The following KAZN variants were observed in gnomAD, a reference collection of about 807,000 sequenced individuals.
The protein encoded by KAZN is kazrin.
KAZN carries 40 observed loss-of-function variants against 87.4 expected under a neutral mutation model. That is an observed-to-expected ratio of 0.46 (90% CI 0.36 to 0.60). KAZN has a LOEUF of 0.60. Among genes scored for constraint, KAZN ranks in the 20% least tolerant of loss-of-function variants. The pLI, the probability that KAZN is intolerant of heterozygous loss-of-function variation, is 0.00. For missense variants in KAZN, 898 were observed against 1,073.9 expected (o/e 0.84, Z 2.29); for synonymous variants, 466 against 458.3 (o/e 1.02, Z -0.22).
At chr1:14,540,302 A>C (rs1672733717) in intron 2 of KAZN, among the ~76,000 whole-genome samples, 1 of 152,152 alleles carries the variant, frequency 6.6e-6, no homozygotes, top group African/African-American at 2.4e-5. Context: ...TGCAGTTGGT[A>C]ATTCCTGAGC....
intron 1 of KAZN, among the ~76,000 whole-genome samples, chr1:13,897,833 T>C (rs1225949385): frequency 6.6e-6 from 1 of 152,238 alleles, no homozygotes; most frequent in Non-Finnish European, 1.5e-5. Flanking sequence ...GTGGCTTTGA[T>C]GCTGTTGCCC....
At chr1:14,801,474 A>G (rs984277373) in intron 1 of KAZN, among the ~76,000 whole-genome samples, 3 of 151,972 alleles carry the variant, frequency 2.0e-5, no homozygotes, top group Non-Finnish European at 4.4e-5. Context: ...GGGCTCTCCT[A>G]GGACTGAGAG....
intron 1 of KAZN, among the ~76,000 whole-genome samples, chr1:14,700,356 C>T (rs1641853171): frequency 6.6e-6 from 1 of 151,956 alleles, no homozygotes; most frequent in African/African-American, 2.4e-5. Context: ...CCTGTAATCC[C>T]AGCTACTCAG....
intron 1 of KAZN, among the ~76,000 whole-genome samples, chr1:14,114,951 G>A (rs1247049731): frequency 6.6e-6 from 1 of 152,210 alleles, no homozygotes; most frequent in African/African-American, 2.4e-5. Context: ...GAGGTGCTCA[G>A]TCTCTGACCC....
intron 2 of KAZN, among the ~76,000 whole-genome samples, chr1:14,218,756 C>CTA (rs901203144): frequency 2.6e-5 from 4 of 151,986 alleles, no homozygotes; most frequent in Non-Finnish European, 4.4e-5. Flanking sequence ...TCTGTCTTTT[C>CTA]TATATGAGTT....
chr1:14,902,403 T>A (rs1049342269), intron 1 of KAZN, among the ~76,000 whole-genome samples: 2 of 152,050 alleles, frequency 1.3e-5, no homozygotes, highest in Admixed American at 6.5e-5. Flanking sequence ...TTTTTTTGTA[T>A]TTTTTTAGTA....
At chr1:14,966,432 G>T (rs1664462583) in intron 2 of KAZN, among the ~76,000 whole-genome samples, 1 of 152,158 alleles carries the variant, frequency 6.6e-6, no homozygotes, top group Non-Finnish European at 1.5e-5. Context: ...CGTCTGTCTA[G>T]TGTGATTGTT....
At chr1:14,600,095 TG>T (rs1676836261) in intron 1 of KAZN, among the ~76,000 whole-genome samples, 1 of 77,300 alleles carries the variant, frequency 1.3e-5, no homozygotes, top group Non-Finnish European at 3.6e-5. Context: ...AAGCAGGCTT[TG>T]GGGGATTTTT....
intron 1 of KAZN, among the ~76,000 whole-genome samples, chr1:14,831,555 G>A (rs1433985458): frequency 1.3e-5 from 2 of 152,184 alleles, no homozygotes; most frequent in Non-Finnish European, 2.9e-5. Context: ...CAGCGGCCTG[G>A]CCAGCACACC....
chr1:14,997,580 G>A (rs1053865168), intron 2 of KAZN, among the ~76,000 whole-genome samples: 23 of 152,062 alleles, frequency 1.5e-4, no homozygotes, highest in East Asian at 1.2e-3. Flanking sequence ...ATTGGCTGTC[G>A]GCTCCAGGAG....
intron 2 of KAZN, among the ~76,000 whole-genome samples, chr1:14,404,448 T>C (rs1345314375): frequency 1.3e-5 from 2 of 152,188 alleles, no homozygotes; most frequent in African/African-American, 4.8e-5. Flanking sequence ...GCCTAAATAA[T>C]TTCTTTCTAT....
At chr1:13,910,443 G>C (rs1422812900) in intron 1 of KAZN, among the ~76,000 whole-genome samples, 1 of 152,026 alleles carries the variant, frequency 6.6e-6, no homozygotes, top group Admixed American at 6.5e-5. Flanking sequence ...GGGAGTCGGA[G>C]GTTGCAGTGA....
intron 2 of KAZN, among the ~76,000 whole-genome samples, chr1:14,324,663 G>A (rs113158605): frequency 6.6e-6 from 1 of 151,982 alleles, no homozygotes; most frequent in Non-Finnish European, 1.5e-5. Flanking sequence ...TTCTGCAAAG[G>A]GGGGGAAGTA....
At chr1:15,047,695 C>T (rs1203636648) in intron 4 of KAZN, among the ~76,000 whole-genome samples, 2 of 152,096 alleles carry the variant, frequency 1.3e-5, no homozygotes, top group Non-Finnish European at 2.9e-5. Context: ...CGCTTGAACC[C>T]AGAAGGCAGA....
At chr1:15,093,495 T>A (rs1049260378) in intron 8 of KAZN, among the ~76,000 whole-genome samples, 5 of 151,802 alleles carry the variant, frequency 3.3e-5, no homozygotes, top group Admixed American at 2.0e-4. Flanking sequence ...CACAGTTTCA[T>A]GTAAGAGGGG....
At chr1:13,896,888 G>A (rs975369939) in intron 1 of KAZN, among the ~76,000 whole-genome samples, 2 of 152,204 alleles carry the variant, frequency 1.3e-5, no homozygotes, top group Non-Finnish European at 2.9e-5. Context: ...GATTTAGTGG[G>A]GCAGCAGAGA....
intron 1 of KAZN, among the ~76,000 whole-genome samples, chr1:14,017,092 G>A (rs1364129248): frequency 6.6e-6 from 1 of 152,182 alleles, no homozygotes; most frequent in Non-Finnish European, 1.5e-5. Context: ...AGTAGGACAT[G>A]CATCTTCCCT....
intron 1 of KAZN, among the ~76,000 whole-genome samples, chr1:14,009,923 G>A (rs533106031): frequency 2.6e-5 from 4 of 152,092 alleles, no homozygotes; most frequent in Admixed American, 6.5e-5. Flanking sequence ...GTACACACTG[G>A]GAAACCGGGT....
At chr1:14,892,277 G>A (rs1363190085) in intron 1 of KAZN, among the ~76,000 whole-genome samples, 1 of 152,044 alleles carries the variant, frequency 6.6e-6, no homozygotes, top group South Asian at 2.1e-4. Flanking sequence ...CCTGCCCCGG[G>A]GCTCGCCTCC....
Sources: allele counts gnomAD v4.1 joint callset (sites outside exome capture counted in the v4.1 genomes callset), GRCh38; gene constraint gnomAD v4.1.1; transcripts MANE v1.5; gene names NCBI Gene and HGNC (gene_info 2026-07-23, HGNC 2026-07-21).